The following HPSE2 variants were observed in gnomAD, a reference collection of about 807,000 sequenced individuals.
The protein encoded by HPSE2 is inactive heparanase-2.
A neutral mutation model predicts 60.5 loss-of-function variants in HPSE2; 38 were observed. That is an observed-to-expected ratio of 0.63 (90% CI 0.48 to 0.82). The LOEUF (loss-of-function observed/expected upper bound fraction) is 0.82. HPSE2 is among the 40% of genes least tolerant of loss of function. HPSE2 has a pLI of 0.00. For synonymous variants in HPSE2, 295 were observed against 293.2 expected (o/e 1.01, Z -0.06); for missense variants, 713 against 740.4 (o/e 0.96, Z 0.43).
chr10:99,258,609 C>T, the HPSE2 span, among the ~76,000 whole-genome samples: 21 of 152,238 alleles, frequency 1.4e-4, no homozygotes, highest in Middle Eastern at 6.8e-3. Flanking sequence ...TTGGGGCCAA[C>T]GTTGCCTGAT....
intron 9 of HPSE2, among the ~76,000 whole-genome samples, chr10:98,500,766 A>G (rs1942002434): frequency 6.6e-6 from 1 of 152,134 alleles, no homozygotes; most frequent in African/African-American, 2.4e-5. Context: ...AATAAAATTG[A>G]TAGACCATTA....
the HPSE2 span, among the ~76,000 whole-genome samples, chr10:99,249,395 T>C: frequency 6.6e-6 from 1 of 152,174 alleles, no homozygotes; most frequent in Admixed American, 6.5e-5. Context: ...TGCCCTTCTG[T>C]GTTTTGGATT....
At chr10:99,286,810 C>A in the HPSE2 span, among the ~76,000 whole-genome samples, 2 of 152,184 alleles carry the variant, frequency 1.3e-5, no homozygotes, top group Non-Finnish European at 2.9e-5. Context: ...TCCTTGAGTA[C>A]TGTTAAATGC....
chr10:98,738,537 G>A (rs1949414855), intron 4 of HPSE2, among the ~76,000 whole-genome samples: 1 of 152,064 alleles, frequency 6.6e-6, no homozygotes, highest in Admixed American at 6.6e-5. Context: ...GAGTGAACAG[G>A]CAACCTACAG....
intron 5 of HPSE2, among the ~76,000 whole-genome samples, chr10:98,700,947 C>T (rs1589667340): frequency 1.5e-5 from 1 of 65,616 alleles, no homozygotes; most frequent in African/African-American, 3.3e-5. Flanking sequence ...GAGATACCAT[C>T]TCACACCAGT....
Position 98,938,703 on chromosome 10 carries a change from C to G in HPSE2, c.611-194647G>C, listed in dbSNP as rs565752419. 1.7e-4 allele frequency among the ~76,000 whole-genome samples: 25 copies of G among 143,600 alleles called. 3 individuals are homozygous for G. Among genetic ancestry groups the G allele is most frequent in the African/African-American group, 6.2e-4 (22 of 35,256 alleles). 94.2% of individuals were successfully genotyped at this position (143,600 alleles called of 152,430 possible). On this transcript the variant is annotated intron_variant, in intron 3 of 11. Coordinates refer to ENST00000370552, the MANE Select transcript of HPSE2 (RefSeq NM_021828.5). ...AGAACTTCCCCAATCTAGCAAGGCA[C>G]GCCAACATTCAGACTCAGGAAATAC...
intron 3 of HPSE2, among the ~76,000 whole-genome samples, chr10:98,810,866 C>T (rs926447170): frequency 1.3e-5 from 2 of 152,136 alleles, no homozygotes; most frequent in African/African-American, 4.8e-5. Context: ...GGGCCACATG[C>T]AGCCCGTGGG....
At chr10:98,522,913 C>T (rs1355173042) in intron 9 of HPSE2, among the ~76,000 whole-genome samples, 1 of 152,152 alleles carries the variant, frequency 6.6e-6, no homozygotes, top group Non-Finnish European at 1.5e-5. Context: ...AACTGGCAAG[C>T]CCACACTGCC....
intron 9 of HPSE2, among the ~76,000 whole-genome samples, chr10:98,595,816 G>A (rs1276102519): frequency 1.3e-5 from 2 of 152,130 alleles, no homozygotes; most frequent in African/African-American, 2.4e-5. Context: ...TTTCACCATG[G>A]AGTATAATGT....
chr10:98,893,145 G>A (rs1953385138), intron 3 of HPSE2, among the ~76,000 whole-genome samples: 1 of 151,986 alleles, frequency 6.6e-6, no homozygotes, highest in Admixed American at 6.6e-5. Flanking sequence ...TCAGCTCACT[G>A]CAACCTCCAC....
chr10:98,775,496 C>T (rs1427149250), intron 3 of HPSE2, among the ~76,000 whole-genome samples: 1 of 152,146 alleles, frequency 6.6e-6, no homozygotes, highest in Non-Finnish European at 1.5e-5. Flanking sequence ...TGAAGCCCAA[C>T]AATTATAAGT....
chr10:98,463,433 C>T (rs1209226664), intron 11 of HPSE2, among the ~76,000 whole-genome samples: 1 of 152,220 alleles, frequency 6.6e-6, no homozygotes, highest in Non-Finnish European at 1.5e-5. Context: ...TAATGTCTTT[C>T]ACAGAGATGA....
chr10:98,629,350 C>T (rs950651997), intron 7 of HPSE2, among the ~76,000 whole-genome samples: 1 of 152,210 alleles, frequency 6.6e-6, no homozygotes, highest in Admixed American at 6.5e-5. Context: ...TTACAAAGAG[C>T]TGAATAGCTA....
chr10:98,611,033 G>A (rs1243841949), intron 9 of HPSE2, among the ~76,000 whole-genome samples: 1 of 151,544 alleles, frequency 6.6e-6, no homozygotes, highest in African/African-American at 2.5e-5. Context: ...TACTCCCAAG[G>A]GAGCCCGTGA....
intron 11 of HPSE2, among the ~76,000 whole-genome samples, chr10:98,476,217 A>G (rs11591376): frequency 0.4 from 58,051 of 145,968 alleles, 12,121 homozygotes; most frequent in African/African-American, 0.59. Context: ...GTAAACTAAC[A>G]CAAGGACAAA....
At chr10:98,595,856 A>C (rs1945221115) in intron 9 of HPSE2, among the ~76,000 whole-genome samples, 2 of 152,072 alleles carry the variant, frequency 1.3e-5, no homozygotes, top group Non-Finnish European at 2.9e-5. Context: ...TATGGACTCT[A>C]TTGTTTTGCG....
Position 98,768,532 on chromosome 10 carries a change from C to A in HPSE2, c.611-24476G>T, listed in dbSNP as rs1461186776. On this transcript the variant is annotated intron_variant, in intron 3 of 11. Coordinates refer to ENST00000370552, the MANE Select transcript of HPSE2 (RefSeq NM_021828.5). ...ATTCTAAATTATTTGATGACTTGAT[C>A]ATATTTGATCTTGTAGTTTTCAAGT... Among the ~76,000 whole-genome samples the A allele has an allele frequency of 3.3e-5, 5 of 152,272 alleles. No homozygotes were observed. In the East Asian group the frequency reaches 9.6e-4, roughly 29 times the overall value.
At chr10:99,136,398 G>A (rs182839990) in intron 3 of HPSE2, among the ~76,000 whole-genome samples, 59 of 152,260 alleles carry the variant, frequency 3.9e-4, no homozygotes, top group Admixed American at 7.2e-4. Context: ...TATGAGCCCA[G>A]CATCATCCTG....
chr10:98,650,670 A>C (rs1325702682), intron 6 of HPSE2, among the ~76,000 whole-genome samples: 1 of 152,192 alleles, frequency 6.6e-6, no homozygotes, highest in South Asian at 2.1e-4. Flanking sequence ...AGCCTGGTGT[A>C]AAAACACAGT....
Sources: allele counts gnomAD v4.1 joint callset (sites outside exome capture counted in the v4.1 genomes callset), GRCh38; gene constraint gnomAD v4.1.1; transcripts MANE v1.5; gene names NCBI Gene and HGNC (gene_info 2026-07-23, HGNC 2026-07-21).